MAPRE2: variants seen among roughly 807,000 people sequenced by gnomAD.
MAPRE2 encodes microtubule associated protein RP/EB family member 2, also known as microtubule-associated protein RP/EB family member 2.
MAPRE2 carries 13 observed loss-of-function variants against 43.2 expected under a neutral mutation model. The ratio of observed to expected loss-of-function variants is 0.30; its 90% CI spans 0.20 to 0.48. MAPRE2 has a LOEUF of 0.48. Among genes scored for constraint, MAPRE2 ranks in the 20% least tolerant of loss-of-function variants. The probability of loss-of-function intolerance (pLI) is 0.99; values close to 1 mark genes in which losing one functional copy is unlikely to be tolerated. For synonymous variants in MAPRE2, 135 were observed against 148.8 expected (o/e 0.91, Z 0.68); for missense variants, 161 against 400.2 (o/e 0.40, Z 5.10).
chr18:35,007,091 G>A (rs1309107212), intron 2 of MAPRE2, among the ~76,000 whole-genome samples: 2 of 152,226 alleles, frequency 1.3e-5, no homozygotes, highest in Non-Finnish European at 2.9e-5. Context: ...GAGGGCATTA[G>A]AAATAGGAAG....
intron 1 of MAPRE2, among the ~76,000 whole-genome samples, chr18:35,060,669 G>A (rs1181139282): frequency 2.0e-5 from 3 of 152,298 alleles, no homozygotes; most frequent in Non-Finnish European, 4.4e-5. Context: ...TTAAGTCTGA[G>A]TTTAGAAAAC....
At chr18:35,003,925 C>T (rs2097030552) in intron 1 of MAPRE2, among the ~76,000 whole-genome samples, 1 of 152,142 alleles carries the variant, frequency 6.6e-6, no homozygotes, top group East Asian at 1.9e-4. Flanking sequence ...GGAAATTCAA[C>T]TTATTGTATC....
intron 2 of MAPRE2, among the ~76,000 whole-genome samples, chr18:35,077,953 G>T (rs1175759567): frequency 6.6e-6 from 1 of 152,156 alleles, no homozygotes; most frequent in Non-Finnish European, 1.5e-5. Flanking sequence ...CACTTTATAT[G>T]ATGGATATGT....
intron 1 of MAPRE2, among the ~76,000 whole-genome samples, chr18:34,985,650 CAT>C (rs1303497182): frequency 3.3e-5 from 3 of 91,932 alleles, no homozygotes; most frequent in Admixed American, 3.3e-4. Context: ...TAATATATAA[CAT>C]ATGATATATT....
chr18:35,029,287 C>T (rs1454895574), intron 2 of MAPRE2, among the ~76,000 whole-genome samples: 1 of 152,144 alleles, frequency 6.6e-6, no homozygotes, highest in Non-Finnish European at 1.5e-5. Context: ...CCATTACTCA[C>T]ACTGCTTTCC....
At chr18:35,004,241 C>T (rs9953969) in intron 1 of MAPRE2, among the ~76,000 whole-genome samples, 1 of 152,128 alleles carries the variant, frequency 6.6e-6, no homozygotes, top group Non-Finnish European at 1.5e-5. Flanking sequence ...CATCTCCAGA[C>T]CTGTGTCTCG....
chr18:35,032,937 G>T (rs4145316), intron 2 of MAPRE2, among the ~76,000 whole-genome samples: 1 of 151,848 alleles, frequency 6.6e-6, no homozygotes, highest in African/African-American at 2.4e-5. Context: ...AGTACAGATA[G>T]TTGCTGATTC....
chr18:35,101,135 G>C (rs1908657744), intron 3 of MAPRE2, among the ~76,000 whole-genome samples: 1 of 152,200 alleles, frequency 6.6e-6, no homozygotes. Flanking sequence ...GAGGATAAAT[G>C]TACTATGAGT....
chr18:35,063,621 T>G (rs1906670856), intron 1 of MAPRE2, among the ~76,000 whole-genome samples: 1 of 152,078 alleles, frequency 6.6e-6, no homozygotes, highest in African/African-American at 2.4e-5. Context: ...AGTCAACCAC[T>G]TATGGAGGCT....
At chr18:35,067,924 T>G (rs977210405) in intron 1 of MAPRE2, among the ~76,000 whole-genome samples, 1 of 152,146 alleles carries the variant, frequency 6.6e-6, no homozygotes, top group Non-Finnish European at 1.5e-5. Context: ...AACCAAAAAG[T>G]AAAAAACCTT....
chr18:34,993,337 A>T (rs974521178), intron 1 of MAPRE2, among the ~76,000 whole-genome samples: 1 of 149,558 alleles, frequency 6.7e-6, no homozygotes, highest in Admixed American at 6.7e-5. Flanking sequence ...TCCTCGGCTC[A>T]AGGGATTTTC....
At chr18:35,104,277 A>C (rs1368246925) in intron 4 of MAPRE2, among the ~76,000 whole-genome samples, 1 of 152,204 alleles carries the variant, frequency 6.6e-6, no homozygotes, top group African/African-American at 2.4e-5. Context: ...CCTAGATTGC[A>C]GCAATTTAAC....
At chr18:35,011,982 T>C (rs2097035001) in intron 2 of MAPRE2, among the ~76,000 whole-genome samples, 1 of 152,000 alleles carries the variant, frequency 6.6e-6, no homozygotes. Flanking sequence ...ACATTGATCT[T>C]TAAGGGATGG....
chr18:34,994,049 T>C (rs1319015450), intron 1 of MAPRE2, among the ~76,000 whole-genome samples: 1 of 151,404 alleles, frequency 6.6e-6, no homozygotes, highest in Non-Finnish European at 1.5e-5. Context: ...TTTTAAATGT[T>C]TATAGCACAT....
chr18:35,015,118 C>G (rs1011505237), intron 2 of MAPRE2, among the ~76,000 whole-genome samples: 7 of 152,072 alleles, frequency 4.6e-5, no homozygotes, highest in Middle Eastern at 3.2e-3. Flanking sequence ...CCTCTACCCC[C>G]CTTCACTTTC....
intron 4 of MAPRE2, among the ~76,000 whole-genome samples, chr18:35,115,713 A>G (rs960374614): frequency 6.6e-6 from 1 of 152,098 alleles, no homozygotes; most frequent in African/African-American, 2.4e-5. Context: ...ATTCCTTTTT[A>G]TGGCTGAGTA....
intron 2 of MAPRE2, among the ~76,000 whole-genome samples, chr18:35,030,559 T>C (rs2097047359): frequency 6.6e-6 from 1 of 152,188 alleles, no homozygotes; most frequent in South Asian, 2.1e-4. Context: ...AATAGCCCCC[T>C]TTCTTGTGAG....
At chr18:34,978,349 G>T in intron 1 of MAPRE2, 1 of 684,676 alleles carries the variant, frequency 1.5e-6, no homozygotes, top group South Asian at 1.7e-5. Context: ...CGAAACGGAA[G>T]AACTTCCTTG....
At chr18:35,104,037 A>G (rs900640228) in intron 4 of MAPRE2, among the ~76,000 whole-genome samples, 5 of 152,176 alleles carry the variant, frequency 3.3e-5, no homozygotes, top group Non-Finnish European at 5.9e-5. Context: ...GAGGAGGAAG[A>G]AGAGGAAGCT....
Sources: gnomAD v4.1 joint callset for allele counts (sites outside exome capture counted in the v4.1 genomes callset) on GRCh38, gnomAD v4.1.1 for gene constraint, MANE v1.5 for transcripts, NCBI Gene and HGNC (gene_info 2026-07-23, HGNC 2026-07-21) for gene names.